Variants in GRIP2 observed in about 807,000 individuals in gnomAD.
GRIP2 encodes the protein glutamate receptor interacting protein 2, also known as glutamate receptor-interacting protein 2.
In GRIP2, 58 loss-of-function variants were observed where a neutral mutation model predicts 108.3. The observed-to-expected ratio is 0.54, with a 90% CI of 0.43 to 0.67. The LOEUF is 0.67. Among genes scored for constraint, GRIP2 ranks in the 30% least tolerant of loss-of-function variants. GRIP2 has a pLI of 0.00. For synonymous variants in GRIP2, 586 were observed against 598.2 expected (o/e 0.98, Z 0.30); for missense variants, 1,278 against 1,430.6 (o/e 0.89, Z 1.72).
chr3:14,600,239 G>A, the GRIP2 span, among the ~76,000 whole-genome samples: 6 of 152,264 alleles, frequency 3.9e-5, no homozygotes, highest in South Asian at 8.3e-4. Flanking sequence ...CTCCAAATCT[G>A]AAGTTAAATC....
At chr3:14,560,503 C>A (rs1340939700), upstream of GRIP2, among the ~76,000 whole-genome samples, 1 of 152,088 alleles carries the variant, frequency 6.6e-6, no homozygotes, top group Non-Finnish European at 1.5e-5. Context: ...TCCCCAGCCA[C>A]GGCAAGCAGC....
chr3:14,528,631 G>T (rs530768071), intron 1 of GRIP2, among the ~76,000 whole-genome samples: 1 of 152,176 alleles, frequency 6.6e-6, no homozygotes, highest in African/African-American at 2.4e-5. Flanking sequence ...CAGGGTAGAA[G>T]GATTGCTTGA....
the GRIP2 span, among the ~76,000 whole-genome samples, chr3:14,561,184 T>C: frequency 1.3e-5 from 2 of 152,206 alleles, no homozygotes; most frequent in Admixed American, 6.5e-5. Context: ...CCCCAGGGAA[T>C]TGTGAGGGAA....
At chr3:14,551,758 T>G (rs1388718232) in intron 1 of GRIP2, among the ~76,000 whole-genome samples, 1 of 151,632 alleles carries the variant, frequency 6.6e-6, no homozygotes, top group Non-Finnish European at 1.5e-5. Context: ...GCCCCCGGGG[T>G]GAAATGTTTG....
At chr3:14,566,406 A>G in the GRIP2 span, among the ~76,000 whole-genome samples, 2 of 152,244 alleles carry the variant, frequency 1.3e-5, no homozygotes, top group African/African-American at 4.8e-5. Context: ...TGTTAGCTTC[A>G]GGAAGCCCCA....
rs546320061 is a variant in GRIP2, at chr3:14,517,867, C to A, written c.1061G>T (p.Arg354Leu). 3.4e-5 allele frequency: 54 copies of A among 1,593,532 alleles called. 1 individual carries two copies. In the South Asian group the frequency reaches 5.4e-4, roughly 16 times the overall value. Residue 354 changes from arginine (R) to leucine (L), a missense_variant, in exon 10 of 24, where the codon CGC (arginine) becomes CTC (leucine). Coordinates refer to ENST00000621039, the MANE Select transcript of GRIP2 (RefSeq NM_001080423.4). Reference protein sequence around the residue: ...VKVQRSEQLHRWDPCVPSCHS... With the variant: ...VKVQRSEQLHLWDPCVPSCHS... ...GCAGGAGGGCACGCAGGGGTCCCAG[C>A]GGTGCAGCTGCTCACTCCTCTGCAC...
At chr3:14,570,719 T>C in the GRIP2 span, among the ~76,000 whole-genome samples, 4 of 152,134 alleles carry the variant, frequency 2.6e-5, no homozygotes, top group African/African-American at 9.7e-5. Context: ...CTCCAGTGGA[T>C]TGAAAGTAAA....
At chr3:14,536,376 C>T (rs1035946704) in intron 1 of GRIP2, among the ~76,000 whole-genome samples, 2 of 152,216 alleles carry the variant, frequency 1.3e-5, no homozygotes, top group African/African-American at 4.8e-5. Flanking sequence ...TCCCTGACCT[C>T]ACAACAGACC....
At chr3:14,583,531 C>T in the GRIP2 span, among the ~76,000 whole-genome samples, 1 of 152,104 alleles carries the variant, frequency 6.6e-6, no homozygotes, top group African/African-American at 2.4e-5. Context: ...GCTGGCAGGC[C>T]GGGAGGCTGG....
At chr3:14,506,736 C>T in intron 19 of GRIP2, 65 bp downstream of exon 19, 1 of 1,422,820 alleles carries the variant, frequency 7.0e-7, no homozygotes, top group Admixed American at 2.3e-5. Context: ...CAGTCCTGCA[C>T]AGGCCCAGCA....
intron 21 of GRIP2, among the ~76,000 whole-genome samples, chr3:14,499,661 T>C (rs1320434394): frequency 6.6e-6 from 1 of 151,690 alleles, no homozygotes; most frequent in Non-Finnish European, 1.5e-5. Flanking sequence ...GAGGTGGAGG[T>C]TGTAGTGAGC....
At chr3:14,520,886 A>C in intron 7 of GRIP2, 3 of 253,842 alleles carry the variant, frequency 1.2e-5, no homozygotes, top group Admixed American at 4.8e-5. Context: ...AGGAAATGGC[A>C]CCTCCATTAA....
chr3:14,493,622 T>A lies in GRIP2; in HGVS notation c.*43A>T. ...CCAGCTACGTGTCTGGGAGCCAGGA[T>A]CTGCCTGGGTGGCCCCTTAGGAGTT... is the stretch of plus-strand genomic sequence containing the variant. On this transcript the variant is annotated 3_prime_UTR_variant, in exon 24 of 24. Coordinates refer to ENST00000621039, the MANE Select transcript of GRIP2 (RefSeq NM_001080423.4). 6.6e-7 allele frequency: 1 copy of A among 1,519,956 alleles called. No individual in the cohort carries two copies. Among genetic ancestry groups the A allele is most frequent in the Middle Eastern group, 2.2e-4 (1 of 4,600 alleles). 94.2% of individuals were successfully genotyped at this position (1,519,956 alleles called of 1,614,324 possible). A position where few individuals can be genotyped will look rare whatever the true frequency, so the allele number is the denominator to read the frequency against.
chr3:14,508,135 A>T (rs1314721079), intron 17 of GRIP2, among the ~76,000 whole-genome samples: 2 of 152,330 alleles, frequency 1.3e-5, no homozygotes, highest in East Asian at 3.9e-4. Flanking sequence ...CCTCCAGCAG[A>T]CACCCTTGGT....
At chr3:14,569,674 G>A in the GRIP2 span, among the ~76,000 whole-genome samples, 7 of 152,150 alleles carry the variant, frequency 4.6e-5, no homozygotes, top group African/African-American at 7.2e-5. Flanking sequence ...TGCCAGCGCC[G>A]CTTCCTCCAC....
chr3:14,574,469 G>T, the GRIP2 span: 1 of 709,578 alleles, frequency 1.4e-6, no homozygotes. Flanking sequence ...GCAGCATCAG[G>T]TGGCTGGGCT....
intron 21 of GRIP2, among the ~76,000 whole-genome samples, chr3:14,502,475 C>T: frequency 6.8e-6 from 1 of 147,180 alleles, no homozygotes; most frequent in Admixed American, 6.8e-5. Context: ...GCCTGGGTGA[C>T]AGAGTGAGAC....
chr3:14,543,809 G>A (rs1695016744), upstream of GRIP2, among the ~76,000 whole-genome samples: 1 of 152,232 alleles, frequency 6.6e-6, no homozygotes, highest in Non-Finnish European at 1.5e-5. Flanking sequence ...TGGTCAGGAG[G>A]GGCCCTGACA....
upstream of GRIP2, among the ~76,000 whole-genome samples, chr3:14,545,382 C>T (rs1366345489): frequency 1.3e-5 from 2 of 152,230 alleles, no homozygotes; most frequent in African/African-American, 2.4e-5. Context: ...GAGAAATGCA[C>T]ACACCGAACC....
Sources: gnomAD v4.1 joint callset for allele counts (sites outside exome capture counted in the v4.1 genomes callset) on GRCh38, gnomAD v4.1.1 for gene constraint, MANE v1.5 for transcripts, NCBI Gene and HGNC (gene_info 2026-07-23, HGNC 2026-07-21) for gene names.